Variants in PPM1E observed in about 807,000 individuals in gnomAD.
PPM1E encodes the protein protein phosphatase 1E.
A neutral mutation model predicts 65.9 loss-of-function variants in PPM1E; 20 were observed. The observed-to-expected ratio is 0.30, with a 90% CI of 0.21 to 0.44. The LOEUF is 0.44. Ranked by LOEUF, PPM1E falls within the 20% of genes least tolerant of loss-of-function variation. PPM1E has a pLI of 1.00. For missense variants in PPM1E, 713 were observed against 953.1 expected (o/e 0.75, Z 3.32); for synonymous variants, 352 against 374.9 (o/e 0.94, Z 0.70).
At chr17:58,959,347 C>T (rs1178779343) in intron 2 of PPM1E, among the ~76,000 whole-genome samples, 1 of 149,638 alleles carries the variant, frequency 6.7e-6, no homozygotes, top group African/African-American at 2.5e-5. Flanking sequence ...TGCCTGTAAT[C>T]CCAGCACTTT....
chr17:58,835,295 C>A (rs1456230396), intron 1 of PPM1E, among the ~76,000 whole-genome samples: 1 of 152,148 alleles, frequency 6.6e-6, no homozygotes, highest in Non-Finnish European at 1.5e-5. Context: ...AAGCCACAAT[C>A]ATTTGTGCCA....
rs1425079121 is a variant in PPM1E, at chr17:58,805,981, AAAAC to A, written c.464+49524_464+49527del. Among the ~76,000 whole-genome samples, 77 of 100,628 alleles carry A rather than the reference AAAAC, an allele frequency of 7.7e-4. 1 individual carries two copies. The highest frequency in any genetic ancestry group is 1.2e-3 in the Non-Finnish European group (60 of 50,272). The allele number at this position is 100,628 out of a possible 152,430, so 66.0% of individuals were successfully genotyped here. On this transcript the variant is annotated intron_variant, in intron 1 of 6. Coordinates refer to ENST00000308249, the MANE Select transcript of PPM1E (RefSeq NM_014906.5). ...AAAAACAAAAAAAAAAAACAAAAAA[AAAAC>A]AAAACAAAACAAAACAAAAAAAAAA... is the stretch of plus-strand genomic sequence containing the variant.
chr17:58,771,606 A>T (rs1484724576), intron 1 of PPM1E, among the ~76,000 whole-genome samples: 1 of 151,590 alleles, frequency 6.6e-6, no homozygotes, highest in African/African-American at 2.4e-5. Context: ...CTGGCAACAG[A>T]GTGAGACTCC....
chr17:58,825,241 C>CACAT (rs1231074666), intron 1 of PPM1E, among the ~76,000 whole-genome samples: 6 of 147,920 alleles, frequency 4.1e-5, no homozygotes, highest in Non-Finnish European at 5.9e-5. Context: ...CACACACACA[C>CACAT]ACACACACAC....
chr17:58,774,755 T>C lies in PPM1E; in HGVS notation c.464+18294T>C, dbSNP rs917190115. Among the ~76,000 whole-genome samples, 23 of 152,228 alleles carry C rather than the reference T, an allele frequency of 1.5e-4. No individual in the cohort carries two copies. In the East Asian group the frequency reaches 2.9e-3, roughly 19 times the overall value. Reference sequence around the variant, plus strand: ...TCTGTGATTTTTTAAAAATGTGAAATTGTTGTTAGAATACCATTTATCTTG... The same window carrying C: ...TCTGTGATTTTTTAAAAATGTGAAACTGTTGTTAGAATACCATTTATCTTG... On this transcript the variant is annotated intron_variant, in intron 1 of 6. Transcript: ENST00000308249.
At position 58,969,648 on chromosome 17, in the gene PPM1E, T is replaced by C; in HGVS notation, c.893T>C (p.Phe298Ser). 6.2e-7 allele frequency: 1 copy of C among 1,614,088 alleles called. No homozygotes were observed. Among genetic ancestry groups the C allele is most frequent in the Non-Finnish European group, 8.5e-7 (1 of 1,180,016 alleles). The change falls in exon 4 of 7, where the codon TTC (phenylalanine) becomes TCC (serine). Residue 298 changes from phenylalanine to serine, a missense_variant. By Grantham distance (155) the Phe-to-Ser change is radical. Around this residue, in one of 6 missense-constraint regions of PPM1E, gnomAD observed 18 missense variants for 16.4 expected, o/e 1.10. Transcript: ENST00000308249. ...LHVNLVRQEM[F>S]PHDPAEALCR... Reference sequence around the variant, plus strand: ...GTTAACTTAGTCCGCCAGGAGATGTTCCCCCATGATCCTGCTGAGGCCCTG... The same window carrying C: ...GTTAACTTAGTCCGCCAGGAGATGTCCCCCCATGATCCTGCTGAGGCCCTG...
At chr17:58,853,092 T>C (rs1160871344) in intron 1 of PPM1E, among the ~76,000 whole-genome samples, 1 of 152,218 alleles carries the variant, frequency 6.6e-6, no homozygotes, top group Non-Finnish European at 1.5e-5. Flanking sequence ...TGCACAACAT[T>C]TTTAAATTTT....
At chr17:58,759,228 A>G (rs1414682019) in intron 1 of PPM1E, among the ~76,000 whole-genome samples, 1 of 152,184 alleles carries the variant, frequency 6.6e-6, no homozygotes, top group Non-Finnish European at 1.5e-5. Context: ...ACTGTACTCC[A>G]GCCTGAGTGA....
chr17:58,892,976 G>A (rs540369195), intron 1 of PPM1E, among the ~76,000 whole-genome samples: 10 of 151,670 alleles, frequency 6.6e-5, no homozygotes, highest in Admixed American at 2.6e-4. Context: ...ACAAGGATGC[G>A]GAGCAACAAA....
chr17:58,799,786 T>C (rs1390816888), intron 1 of PPM1E, among the ~76,000 whole-genome samples: 1 of 152,086 alleles, frequency 6.6e-6, no homozygotes, highest in East Asian at 1.9e-4. Flanking sequence ...CACCATGTTG[T>C]TCAGGCTGGT....
intron 1 of PPM1E, among the ~76,000 whole-genome samples, chr17:58,823,490 G>C (rs2050501221): frequency 6.6e-6 from 1 of 152,146 alleles, no homozygotes; most frequent in African/African-American, 2.4e-5. Context: ...GAATATAGGA[G>C]AATGAATCTT....
intron 1 of PPM1E, chr17:58,785,481 T>TAG (rs2050091239): frequency 3.5e-5 from 4 of 113,880 alleles, no homozygotes; most frequent in African/African-American, 1.2e-4. Context: ...TATATATATA[T>TAG]ATATATATAG....
chr17:58,855,511 C>T (rs1165012368), intron 1 of PPM1E, among the ~76,000 whole-genome samples: 2 of 152,092 alleles, frequency 1.3e-5, no homozygotes, highest in African/African-American at 4.8e-5. Context: ...TTCCTTTTAC[C>T]CAGTACATCG....
intron 1 of PPM1E, among the ~76,000 whole-genome samples, chr17:58,833,535 C>A (rs567556593): frequency 6.6e-6 from 1 of 151,658 alleles, no homozygotes; most frequent in African/African-American, 2.4e-5. Flanking sequence ...CAGTTGCACC[C>A]GTGTTGCTGC....
intron 1 of PPM1E, among the ~76,000 whole-genome samples, chr17:58,935,961 T>C (rs1307451814): frequency 6.6e-6 from 1 of 151,612 alleles, no homozygotes; most frequent in Admixed American, 6.6e-5. Flanking sequence ...CCTAATGCTA[T>C]CTCTCCCCCC....
intron 1 of PPM1E, among the ~76,000 whole-genome samples, chr17:58,914,878 C>G (rs1378083562): frequency 6.6e-6 from 1 of 152,134 alleles, no homozygotes; most frequent in East Asian, 1.9e-4. Flanking sequence ...TTCTCCTTAT[C>G]TTCCATAATT....
chr17:58,833,744 C>G (rs1313858124), intron 1 of PPM1E, among the ~76,000 whole-genome samples: 1 of 151,870 alleles, frequency 6.6e-6, no homozygotes, highest in Non-Finnish European at 1.5e-5. Flanking sequence ...GGGTATATAC[C>G]CAGTATGGGT....
intron 1 of PPM1E, among the ~76,000 whole-genome samples, chr17:58,867,584 G>A (rs914848995): frequency 6.6e-6 from 1 of 152,172 alleles, no homozygotes; most frequent in African/African-American, 2.4e-5. Context: ...GAGGAGCTAA[G>A]ATAATTTTCC....
intron 1 of PPM1E, among the ~76,000 whole-genome samples, chr17:58,760,747 A>G (rs1403196480): frequency 6.6e-6 from 1 of 152,222 alleles, no homozygotes; most frequent in African/African-American, 2.4e-5. Flanking sequence ...GATGCTATGC[A>G]AAACCTCACT....
Sources: gnomAD v4.1 joint callset for allele counts (sites outside exome capture counted in the v4.1 genomes callset) on GRCh38, gnomAD v4.1.1 for gene constraint, gnomAD v4.1.1 regional missense constraint, MANE v1.5 for transcripts, NCBI Gene and HGNC (gene_info 2026-07-23, HGNC 2026-07-21) for gene names.